EIF2B3: variants seen among roughly 807,000 people sequenced by gnomAD.
EIF2B3 encodes the protein eukaryotic translation initiation factor 2B subunit gamma.
EIF2B3 carries 20 observed loss-of-function variants against 54.1 expected under a neutral mutation model. That is an observed-to-expected ratio of 0.37 (90% CI 0.26 to 0.54). The LOEUF (loss-of-function observed/expected upper bound fraction) is 0.54, where lower values mean the gene tolerates loss of function less well. EIF2B3 is among the 20% of genes least tolerant of loss of function. The probability of loss-of-function intolerance (pLI) is 0.86; values close to 1 mark genes in which losing one functional copy is unlikely to be tolerated. For synonymous variants in EIF2B3, 153 were observed against 188.1 expected, an observed-to-expected ratio of 0.81 and a Z score of 1.52; for missense variants, 448 against 547.8, an observed-to-expected ratio of 0.82 and a Z score of 1.82.
At chr1:44,943,402 CTATATCTATAT>C (rs1644061051) in intron 3 of EIF2B3, among the ~76,000 whole-genome samples, 1 of 150,958 alleles carries the variant, frequency 6.6e-6, no homozygotes, top group Non-Finnish European at 1.5e-5. Context: ...ATATCTATAT[CTATATCTATAT>C]CTATATCTAA....
At chr1:44,884,195 G>A (rs1350619924) in intron 6 of EIF2B3, among the ~76,000 whole-genome samples, 1 of 152,152 alleles carries the variant, frequency 6.6e-6, no homozygotes, top group African/African-American at 2.4e-5. Flanking sequence ...TCTTATTAAG[G>A]TAATTCTGGT....
intron 5 of EIF2B3, among the ~76,000 whole-genome samples, chr1:44,922,610 AT>A (rs1028849566): frequency 4.0e-5 from 6 of 150,738 alleles, no homozygotes; most frequent in African/African-American, 1.5e-4. Context: ...AAAAAAAAAA[AT>A]CTGCAGATTG....
chr1:44,969,692 G>A (rs939657454), intron 3 of EIF2B3, among the ~76,000 whole-genome samples: 1 of 152,176 alleles, frequency 6.6e-6, no homozygotes, highest in Non-Finnish European at 1.5e-5. Context: ...AACTGTTGAT[G>A]CTGGGTGACA....
chr1:44,920,132 T>C (rs1643710540), intron 5 of EIF2B3, among the ~76,000 whole-genome samples: 1 of 151,822 alleles, frequency 6.6e-6, no homozygotes, highest in Non-Finnish European at 1.5e-5. Context: ...CCTCCCAGGT[T>C]CAAGCATCAG....
chr1:44,981,059 C>A lies in EIF2B3; in HGVS notation c.110G>T (p.Trp37Leu). The A allele has an allele frequency of 1.9e-6, 3 of 1,613,314 alleles. No homozygotes were observed. The highest frequency in any genetic ancestry group is 2.5e-6 in the Non-Finnish European group (3 of 1,179,944). The part of the protein sequence containing the change: ...LLPVGNKPLI[W>L]YPLNLLERVG... ...ACGCTCAAGCAGGTTCAATGGGTACCAAATTAAAGGTTTGTTCCCAACTGG... is the reference window on the plus strand; with the variant it reads ...ACGCTCAAGCAGGTTCAATGGGTACAAAATTAAAGGTTTGTTCCCAACTGG... Residue 37 changes from tryptophan (W) to leucine (L), a missense_variant, in exon 2 of 12, where the codon TGG becomes TTG. This residue lies in a region of EIF2B3 where 95 missense variants were observed against 115.7 expected (regional missense o/e 0.82). Transcript: ENST00000360403.
chr1:44,857,802 T>C lies in EIF2B3; in HGVS notation c.1208A>G (p.Asn403Ser), dbSNP rs770622953. ...MNSVTVEEGSNIQGSVICNNA... is the reference protein window; with the variant it reads ...MNSVTVEEGSSIQGSVICNNA... ...GTTGCAGATGACACTGCCTTGGATATTGCTTCTGTAACACAGTAGCCAAGT... is the reference window on the plus strand; with the variant it reads ...GTTGCAGATGACACTGCCTTGGATACTGCTTCTGTAACACAGTAGCCAAGT... Residue 403 changes from asparagine to serine, a missense_variant, in exon 11 of 12, where the codon AAT becomes AGT. By Grantham distance (46) the Asn-to-Ser change is conservative. This residue lies in a region of EIF2B3 where 350 missense variants were observed against 414.2 expected (regional missense o/e 0.85). Coordinates refer to ENST00000360403, the MANE Select transcript of EIF2B3 (RefSeq NM_020365.5). The C allele has an allele frequency of 3.7e-6, 6 of 1,613,946 alleles. No homozygotes were observed. The highest frequency in any genetic ancestry group is 2.2e-5 in the East Asian group (1 of 44,892).
chr1:44,943,496 T>C (rs1045894955), intron 3 of EIF2B3, among the ~76,000 whole-genome samples: 1 of 151,904 alleles, frequency 6.6e-6, no homozygotes, highest in Non-Finnish European at 1.5e-5. Context: ...CATGGCTTAC[T>C]GCAGCCTCGA....
At chr1:44,968,942 T>A (rs1463610391) in intron 3 of EIF2B3, among the ~76,000 whole-genome samples, 1 of 151,900 alleles carries the variant, frequency 6.6e-6, no homozygotes, top group Non-Finnish European at 1.5e-5. Flanking sequence ...GGAAAACATG[T>A]CAGTCACGGA....
chr1:44,909,632 A>G (rs1569690321), intron 5 of EIF2B3, among the ~76,000 whole-genome samples: 1 of 152,220 alleles, frequency 6.6e-6, no homozygotes, highest in African/African-American at 2.4e-5. Flanking sequence ...GGGTTATCTT[A>G]CAGCCATATC....
chr1:44,872,675 C>A (rs1328814114), intron 10 of EIF2B3, among the ~76,000 whole-genome samples: 1 of 151,938 alleles, frequency 6.6e-6, no homozygotes, highest in Non-Finnish European at 1.5e-5. Context: ...AACACTACCC[C>A]CAAAACCACT....
chr1:44,921,214 C>A (rs987724537), intron 5 of EIF2B3, among the ~76,000 whole-genome samples: 3 of 152,170 alleles, frequency 2.0e-5, no homozygotes, highest in South Asian at 2.1e-4. Flanking sequence ...CTATTCAAAT[C>A]TTTTGCCTAT....
At chr1:44,906,920 G>A (rs796952676) in intron 5 of EIF2B3, among the ~76,000 whole-genome samples, 8 of 152,118 alleles carry the variant, frequency 5.3e-5, no homozygotes, top group African/African-American at 1.9e-4. Context: ...AATGAACTTC[G>A]GATCTCCCTG....
intron 3 of EIF2B3, chr1:44,958,935 C>T: frequency 1.3e-6 from 1 of 779,840 alleles, no homozygotes. Flanking sequence ...AATATATACT[C>T]AGCAAATACA....
chr1:44,866,648 C>T (rs556604112), intron 10 of EIF2B3, among the ~76,000 whole-genome samples: 7 of 152,004 alleles, frequency 4.6e-5, no homozygotes, highest in African/African-American at 7.2e-5. Flanking sequence ...TCTGCCTCCC[C>T]GGTTTAAGCG....
chr1:44,910,900 A>G (rs1015116879), intron 5 of EIF2B3, among the ~76,000 whole-genome samples: 2 of 151,910 alleles, frequency 1.3e-5, no homozygotes, highest in Non-Finnish European at 2.9e-5. Context: ...ATTTGGTTAC[A>G]TGAGTAAGTT....
At chr1:44,861,895 C>T (rs1416268148) in intron 10 of EIF2B3, among the ~76,000 whole-genome samples, 2 of 152,158 alleles carry the variant, frequency 1.3e-5, no homozygotes, top group African/African-American at 4.8e-5. Flanking sequence ...TATTATTGTG[C>T]AGCCCAAATC....
chr1:44,931,345 C>T (rs1643895231), intron 4 of EIF2B3, among the ~76,000 whole-genome samples: 1 of 152,210 alleles, frequency 6.6e-6, no homozygotes, highest in Non-Finnish European at 1.5e-5. Flanking sequence ...GAGACTCCAG[C>T]CCTAGCTGAC....
chr1:44,956,322 C>T (rs907883192), intron 3 of EIF2B3, among the ~76,000 whole-genome samples: 1 of 151,858 alleles, frequency 6.6e-6, no homozygotes, highest in South Asian at 2.1e-4. Context: ...AATGAGAACA[C>T]GTGGACATAG....
At chr1:44,955,428 G>C (rs542624175) in intron 3 of EIF2B3, among the ~76,000 whole-genome samples, 3 of 152,032 alleles carry the variant, frequency 2.0e-5, no homozygotes, top group African/African-American at 7.2e-5. Flanking sequence ...GAAAACCTAG[G>C]CAATACCATT....
Sources: gnomAD v4.1 joint callset for allele counts (sites outside exome capture counted in the v4.1 genomes callset) on GRCh38, gnomAD v4.1.1 for gene constraint, gnomAD v4.1.1 regional missense constraint, MANE v1.5 for transcripts, NCBI Gene and HGNC (gene_info 2026-07-23, HGNC 2026-07-21) for gene names.